The following UTP18 variants were observed in gnomAD, a reference collection of about 807,000 sequenced individuals.
UTP18 encodes U3 small nucleolar RNA-associated protein 18 homolog.
Under a neutral mutation model 61.1 loss-of-function variants are expected in UTP18, and 36 were observed. That is an observed-to-expected ratio of 0.59 (90% CI 0.45 to 0.78). The LOEUF (loss-of-function observed/expected upper bound fraction) is 0.78. UTP18 is among the 30% of genes least tolerant of loss of function. The probability of loss-of-function intolerance (pLI) is 0.00; values close to 1 mark genes in which losing one functional copy is unlikely to be tolerated. For synonymous variants in UTP18, 282 were observed against 251.1 expected (o/e 1.12, Z -1.16); for missense variants, 753 against 693.9 (o/e 1.09, Z -0.96).
Position 51,268,857 on chromosome 17 carries a change from G to A in UTP18, c.575G>A (p.Gly192Glu). The change falls in exon 4 of 14, where the codon GGA (glycine) becomes GAA (glutamate). Residue 192 changes from glycine to glutamate, a missense_variant. Coordinates refer to ENST00000225298, the MANE Select transcript of UTP18 (RefSeq NM_016001.3). ...LKEEFQHAMG[G>E]VPAWAETTKR... ...CTTAGATTCCAACATGCCATGGGAG[G>A]AGTACCTGCCTGGGCAGAGACTACT... is the stretch of plus-strand genomic sequence containing the variant. 6.2e-7 allele frequency: 1 copy of A among 1,613,934 alleles called. No individual in the cohort carries two copies. The highest frequency in any genetic ancestry group is 8.5e-7 in the Non-Finnish European group (1 of 1,179,868).
rs1410219140 is a variant in UTP18, at chr17:51,275,895, A to C, written c.741A>C (p.Glu247Asp). 3.1e-6 allele frequency: 5 copies of C among 1,608,172 alleles called. No homozygotes were observed. The East Asian group carries it at 1.1e-4, about 36-fold the overall frequency. Residue 247 changes from glutamate to aspartate, a missense_variant, in exon 6 of 14, where the codon GAA (glutamate) becomes GAC (aspartate). Transcript: ENST00000225298. ...KMKNCQHANA[E>D]RPTVARISSV... ...AGAACTGCCAGCATGCGAATGCTGAACGTCCTACTGTTGCTCGGATCTCAT... is the reference window on the plus strand; with the variant it reads ...AGAACTGCCAGCATGCGAATGCTGACCGTCCTACTGTTGCTCGGATCTCAT...
chr17:51,280,080 G>T lies in UTP18; in HGVS notation c.1088G>T (p.Gly363Val). 1 of 1,613,736 alleles carries T rather than the reference G, an allele frequency of 6.2e-7. No homozygotes were observed. The highest frequency in any genetic ancestry group is 8.5e-7 in the Non-Finnish European group (1 of 1,179,836). ...GSFLLINGIAGYLHLLAMKTK... is the reference protein window; with the variant it reads ...GSFLLINGIAVYLHLLAMKTK... ...TTCTTGCTCATAAATGGCATTGCTG[G>T]ATATTTGCATTTGCTAGCAATGAAG... is the stretch of plus-strand genomic sequence containing the variant. Residue 363 changes from glycine (G) to valine (V), a missense_variant, in exon 8 of 14, where the codon GGA becomes GTA. Physicochemically the swap from Gly to Val is moderately radical, Grantham distance 109 (BLOSUM62 -3). Transcript: ENST00000225298.
At chr17:51,295,047 G>A (rs1335973138) in intron 12 of UTP18, among the ~76,000 whole-genome samples, 1 of 151,688 alleles carries the variant, frequency 6.6e-6, no homozygotes, top group Non-Finnish European at 1.5e-5. Context: ...TTTTGATGGG[G>A]TTGTTTTTTT....
At chr17:51,267,723 C>CTGAG (rs1478314598) in intron 3 of UTP18, among the ~76,000 whole-genome samples, 18 of 152,154 alleles carry the variant, frequency 1.2e-4, no homozygotes, top group African/African-American at 3.6e-4. Context: ...TCTTTCAAGT[C>CTGAG]TGATCTTTTT....
chr17:51,273,771 A>AAATAAATAAATAAATT (rs1263393227), intron 5 of UTP18, among the ~76,000 whole-genome samples: 25 of 150,530 alleles, frequency 1.7e-4, no homozygotes, highest in Admixed American at 4.6e-4. Context: ...ATAAATAAAT[A>AAATAAATAAATAAATT]AATTTTCCAG....
intron 7 of UTP18, among the ~76,000 whole-genome samples, chr17:51,279,117 T>G (rs1904826778): frequency 6.6e-6 from 1 of 152,240 alleles, no homozygotes; most frequent in Non-Finnish European, 1.5e-5. Context: ...GACATATATT[T>G]TTGACTAGGC....
Position 51,266,356 on chromosome 17 carries a change from T to C in UTP18, c.554+76T>C, listed in dbSNP as rs2055561198. ...CCAGTCATTAACCGTAACCGCTTCT[T>C]GTGTAGTTTTCCATTTTGAAACAGT... On this transcript the variant is annotated intron_variant, in intron 3 of 13. Transcript: ENST00000225298. 3 of 1,011,070 alleles carry C rather than the reference T, an allele frequency of 3.0e-6. No homozygotes were observed. In the East Asian group the frequency reaches 9.2e-5, roughly 31 times the overall value. The allele number at this position is 1,011,070 out of a possible 1,614,324, so 62.6% of individuals were successfully genotyped here.
chr17:51,274,947 C>T (rs1431959394), intron 5 of UTP18, among the ~76,000 whole-genome samples: 2 of 151,786 alleles, frequency 1.3e-5, no homozygotes, highest in Admixed American at 1.3e-4. Context: ...CCTGTAATCC[C>T]AGCACTTTGG....
In UTP18 at chr17:51,288,043, T is replaced by G; in HGVS notation, c.1343T>G (p.Val448Gly). The change falls in exon 11 of 14, where the codon GTG becomes GGG. Residue 448 changes from valine to glycine, a missense_variant. Coordinates refer to ENST00000225298, the MANE Select transcript of UTP18 (RefSeq NM_016001.3). ...TCTCTTTGTAGTTCTAATTGTGGAG[T>G]GGTAAATATATACAATCAAGATTCT... Reference protein sequence around the residue: ...QYVACGSNCGVVNIYNQDSCL... With the variant: ...QYVACGSNCGGVNIYNQDSCL... 1 of 1,576,332 alleles carries G rather than the reference T, an allele frequency of 6.3e-7. No homozygotes were observed. Among genetic ancestry groups the G allele is most frequent in the Non-Finnish European group, 8.6e-7 (1 of 1,168,902 alleles).
chr17:51,260,809 G>C lies in UTP18; in HGVS notation c.225G>C (p.Arg75=). 1 of 1,587,698 alleles carries C rather than the reference G, an allele frequency of 6.3e-7. No homozygotes were observed. The highest frequency in any genetic ancestry group is 8.6e-7 in the Non-Finnish European group (1 of 1,168,332). ...AGGAAGAGAGACGGCTCCGGCAGCG[G>C]AACCGCCTGAGGCTGGAGGAGGACA... ...AAEEERRLRQ[R]NRLRLEEDKP... is the part of the protein sequence containing the mutation. The change falls in exon 1 of 14, where the codon CGG becomes CGC. Residue 75 remains arginine (R), a synonymous_variant. Coordinates refer to ENST00000225298, the MANE Select transcript of UTP18 (RefSeq NM_016001.3).
intron 5 of UTP18, 74 bp from the exon 6 acceptor site, chr17:51,275,792 C>A: frequency 5.5e-6 from 7 of 1,268,034 alleles, no homozygotes; most frequent in East Asian, 3.3e-5. Flanking sequence ...ACTGTAATGT[C>A]TTTTCTTCTT....
chr17:51,261,963 G>C (rs1275741046), intron 1 of UTP18, among the ~76,000 whole-genome samples: 1 of 152,188 alleles, frequency 6.6e-6, no homozygotes, highest in Non-Finnish European at 1.5e-5. Flanking sequence ...GTGTACGGAG[G>C]TGGGAGCTGT....
At chr17:51,293,516 T>C (rs74708191) in intron 11 of UTP18, among the ~76,000 whole-genome samples, 2 of 143,734 alleles carry the variant, frequency 1.4e-5, no homozygotes, top group African/African-American at 5.2e-5. Flanking sequence ...TTTTTTTTTT[T>C]AAGCTCATCA....
At chr17:51,265,562 CTTTTTTTTTT>C (rs10695281) in intron 2 of UTP18, among the ~76,000 whole-genome samples, 5 of 85,566 alleles carry the variant, frequency 5.8e-5, no homozygotes, top group African/African-American at 2.0e-4. Flanking sequence ...CGTGCCCGGC[CTTTTTTTTTT>C]TTTTTTTTTT....
intron 11 of UTP18, among the ~76,000 whole-genome samples, chr17:51,289,799 C>T (rs1350376052): frequency 1.3e-5 from 2 of 152,218 alleles, no homozygotes; most frequent in Non-Finnish European, 2.9e-5. Context: ...CATCTGCCAT[C>T]AGCTTTGTAT....
chr17:51,294,759 A>T (rs1474009472), intron 12 of UTP18, among the ~76,000 whole-genome samples: 1 of 151,912 alleles, frequency 6.6e-6, no homozygotes, highest in Non-Finnish European at 1.5e-5. Context: ...CTAGTTCTAG[A>T]TCCCTGAGGA....
chr17:51,280,170 C>T (rs1276634569), intron 8 of UTP18, 65 bp downstream of exon 8: 3 of 1,502,104 alleles, frequency 2.0e-6, no homozygotes, highest in African/African-American at 1.4e-5. Flanking sequence ...TAGTCTTGCA[C>T]CTTAACTCAG....
intron 5 of UTP18, among the ~76,000 whole-genome samples, chr17:51,274,753 A>G (rs1567701268): frequency 1.3e-5 from 2 of 150,902 alleles, no homozygotes; most frequent in South Asian, 2.1e-4. Flanking sequence ...GCCCAGCGAC[A>G]TAGGTCTCTT....
At chr17:51,268,432 A>G (rs752497584) in intron 3 of UTP18, among the ~76,000 whole-genome samples, 1 of 152,236 alleles carries the variant, frequency 6.6e-6, no homozygotes, top group Non-Finnish European at 1.5e-5. Context: ...GAAGTTTTGT[A>G]TATTCTTAAC....
Sources: gnomAD v4.1 joint callset for allele counts (sites outside exome capture counted in the v4.1 genomes callset) on GRCh38, gnomAD v4.1.1 for gene constraint, MANE v1.5 for transcripts, NCBI Gene and HGNC (gene_info 2026-07-23, HGNC 2026-07-21) for gene names.